Variants in PTPRD observed in about 807,000 individuals in gnomAD.
The protein encoded by PTPRD is receptor-type tyrosine-protein phosphatase delta.
In PTPRD, 34 loss-of-function variants were observed where a neutral mutation model predicts 214.5. That is an observed-to-expected ratio of 0.16 (90% CI 0.12 to 0.21). The LOEUF (loss-of-function observed/expected upper bound fraction) is 0.21. Ranked by LOEUF, PTPRD falls within the 10% of genes least tolerant of loss-of-function variation. The pLI is 1.00. For missense variants in PTPRD, 2,545 were observed against 2,398.7 expected, an observed-to-expected ratio of 1.06 and a Z score of -1.27; for synonymous variants, 1,128 against 845.7, an observed-to-expected ratio of 1.33 and a Z score of -5.79.
At chr9:9,149,107 T>C (rs1161626385) in intron 10 of PTPRD, among the ~76,000 whole-genome samples, 1 of 152,220 alleles carries the variant, frequency 6.6e-6, no homozygotes, top group Non-Finnish European at 1.5e-5. Flanking sequence ...TCTGACTGTT[T>C]AGGTTAGAGT....
At chr9:9,935,823 A>G (rs1295640031) in intron 5 of PTPRD, among the ~76,000 whole-genome samples, 5 of 149,516 alleles carry the variant, frequency 3.3e-5, no homozygotes, top group African/African-American at 5.1e-5. Flanking sequence ...CCTGACTTCA[A>G]ACTATACTAC....
chr9:8,343,066 G>A (rs1281234754), intron 39 of PTPRD, among the ~76,000 whole-genome samples: 1 of 152,042 alleles, frequency 6.6e-6, no homozygotes, highest in Non-Finnish European at 1.5e-5. Context: ...AAACAAATGA[G>A]TTAATGCTCA....
intron 44 of PTPRD, among the ~76,000 whole-genome samples, chr9:8,321,461 TTGTGTG>T (rs4008233): frequency 0.024 from 2,074 of 85,378 alleles, 41 homozygotes; most frequent in African/African-American, 0.032. Flanking sequence ...GAAGTCTTCT[TTGTGTG>T]TGTGTGTGTG....
At chr9:10,452,075 T>C (rs533335382) in intron 2 of PTPRD, among the ~76,000 whole-genome samples, 1 of 151,972 alleles carries the variant, frequency 6.6e-6, no homozygotes, top group African/African-American at 2.4e-5. Flanking sequence ...GTGAGACTAG[T>C]AGAAGAAGCT....
chr9:8,878,692 T>C lies in PTPRD; in HGVS notation c.-104+140005A>G, dbSNP rs76490797. Among the ~76,000 whole-genome samples, 659 of 152,230 alleles carry C rather than the reference T, an allele frequency of 4.3e-3. 6 individuals are homozygous for C. Among genetic ancestry groups the C allele is most frequent in the African/African-American group, 0.015 (614 of 41,556 alleles). On this transcript the variant is annotated intron_variant, in intron 11 of 45. Transcript: ENST00000381196. ...ACAGGCACATGCTACCATGCCCAGA[T>C]AACTTGTTTTTTATTTTTATTTTTA... is the stretch of plus-strand genomic sequence containing the variant.
chr9:9,367,696 C>T (rs147979358), intron 9 of PTPRD, among the ~76,000 whole-genome samples: 7 of 151,512 alleles, frequency 4.6e-5, no homozygotes, highest in South Asian at 2.1e-4. Context: ...GAGACGTGTT[C>T]GGACAAAAAA....
At chr9:10,012,641 G>C (rs2096625430) in intron 4 of PTPRD, among the ~76,000 whole-genome samples, 1 of 151,874 alleles carries the variant, frequency 6.6e-6, no homozygotes, top group Admixed American at 6.6e-5. Context: ...CCCAAGACTA[G>C]CACTGTTATT....
At chr9:9,452,166 A>G (rs1482884272) in intron 8 of PTPRD, among the ~76,000 whole-genome samples, 1 of 151,472 alleles carries the variant, frequency 6.6e-6, no homozygotes, top group African/African-American at 2.4e-5. Context: ...GTAACAAAAT[A>G]GAAAGGATAA....
At chr9:9,335,262 G>A (rs1006101143) in intron 9 of PTPRD, among the ~76,000 whole-genome samples, 1 of 151,930 alleles carries the variant, frequency 6.6e-6, no homozygotes, top group African/African-American at 2.4e-5. Context: ...ATCCCCAGTT[G>A]AATTACTCAT....
intron 3 of PTPRD, among the ~76,000 whole-genome samples, chr9:10,263,316 G>A (rs2093820717): frequency 6.6e-6 from 1 of 152,136 alleles, no homozygotes; most frequent in South Asian, 2.1e-4. Context: ...GAGTATGTGG[G>A]AAAGTTTGGA....
chr9:8,703,147 G>A (rs2098127057), intron 12 of PTPRD, among the ~76,000 whole-genome samples: 1 of 152,148 alleles, frequency 6.6e-6, no homozygotes, highest in African/African-American at 2.4e-5. Flanking sequence ...TAGTGAATCT[G>A]GAAATCTATT....
chr9:9,133,909 C>G (rs970274202), intron 10 of PTPRD, among the ~76,000 whole-genome samples: 3 of 152,088 alleles, frequency 2.0e-5, no homozygotes, highest in African/African-American at 7.2e-5. Context: ...GGGTAAGACT[C>G]TATACAGCTT....
intron 9 of PTPRD, among the ~76,000 whole-genome samples, chr9:9,327,455 C>T (rs1331638440): frequency 6.6e-6 from 1 of 152,002 alleles, no homozygotes; most frequent in Non-Finnish European, 1.5e-5. Context: ...CAACCCAAGA[C>T]ACTAAATGAT....
intron 5 of PTPRD, among the ~76,000 whole-genome samples, chr9:9,833,172 A>C (rs532134315): frequency 1.3e-5 from 2 of 152,142 alleles, no homozygotes; most frequent in South Asian, 4.1e-4. Context: ...GGGTTCTATC[A>C]GGGGACCTGC....
intron 5 of PTPRD, among the ~76,000 whole-genome samples, chr9:9,863,615 G>A (rs1018364745): frequency 1.3e-5 from 2 of 152,114 alleles, no homozygotes; most frequent in Non-Finnish European, 2.9e-5. Flanking sequence ...TGAGCCCATT[G>A]AGCAAGGCAT....
intron 9 of PTPRD, among the ~76,000 whole-genome samples, chr9:9,293,523 C>T (rs1436371931): frequency 6.6e-6 from 1 of 151,294 alleles, no homozygotes; most frequent in Non-Finnish European, 1.5e-5. Context: ...ATTATTATTA[C>T]TGACTAATGC....
intron 2 of PTPRD, among the ~76,000 whole-genome samples, chr9:10,385,176 C>T (rs1339914291): frequency 6.6e-6 from 1 of 151,718 alleles, no homozygotes; most frequent in Admixed American, 6.6e-5. Flanking sequence ...ATTACTCCAG[C>T]CAAAAGTAAG....
chr9:10,382,791 G>A (rs2097848515), intron 2 of PTPRD, among the ~76,000 whole-genome samples: 1 of 151,826 alleles, frequency 6.6e-6, no homozygotes, highest in East Asian at 1.9e-4. Flanking sequence ...CATTTGTCAA[G>A]GAAGATGGTC....
At chr9:9,004,954 G>T (rs538832843) in intron 11 of PTPRD, among the ~76,000 whole-genome samples, 39 of 152,204 alleles carry the variant, frequency 2.6e-4, no homozygotes, top group African/African-American at 9.4e-4. Context: ...CTAATTTTCA[G>T]TGTCATTTGC....
Sources: gnomAD v4.1 joint callset for allele counts (sites outside exome capture counted in the v4.1 genomes callset) on GRCh38, gnomAD v4.1.1 for gene constraint, MANE v1.5 for transcripts, NCBI Gene and HGNC (gene_info 2026-07-23, HGNC 2026-07-21) for gene names.